The following ANKRD9 variants were observed in gnomAD, a reference collection of about 807,000 sequenced individuals.
ANKRD9 encodes ankyrin repeat domain-containing protein 9.
Under a neutral mutation model 19.2 loss-of-function variants are expected in ANKRD9, and 13 were observed. That is an observed-to-expected ratio of 0.68 (90% CI 0.44 to 1.08). The LOEUF is 1.08. Among genes scored for constraint, ANKRD9 ranks in the 50% least tolerant of loss-of-function variants. The probability of loss-of-function intolerance (pLI) is 0.00; values close to 1 mark genes in which losing one functional copy is unlikely to be tolerated. For missense variants in ANKRD9, 518 were observed against 499.9 expected (o/e 1.04, Z -0.34); for synonymous variants, 278 against 256.8 (o/e 1.08, Z -0.79).
Position 102,507,999 on chromosome 14 carries a change from A to T in ANKRD9, c.-53-57T>A. 9.7e-7 allele frequency: 1 copy of T among 1,026,130 alleles called. No individual in the cohort carries two copies. Among genetic ancestry groups the T allele is most frequent in the Non-Finnish European group, 1.2e-6 (1 of 841,730 alleles). 63.6% of individuals were successfully genotyped at this position (1,026,130 alleles called of 1,614,324 possible). A position where few individuals can be genotyped will look rare whatever the true frequency, so the allele number is the denominator to read the frequency against. On this transcript the variant is annotated intron_variant, in intron 3 of 3. Transcript: ENST00000286918. This position sits in a 1 kb window ranked among gnomAD's most constrained non-coding sequence, Gnocchi z 9.2. ...GCGGGGAAACTGGGGAGGCCCGGGGACTCCCCTCTGCCCCTCACACAGCCC... is the reference window on the plus strand; with the variant it reads ...GCGGGGAAACTGGGGAGGCCCGGGGTCTCCCCTCTGCCCCTCACACAGCCC...
At position 102,507,510 on chromosome 14, in the gene ANKRD9, C is replaced by T; in HGVS notation, c.380G>A (p.Gly127Asp). ...GGTGCGCAGGATGCGGCGCAGAATG[C>T]CCACGCGGTTGTAGCGCACTGCCAG... ...VALAVRYNRV[G>D]ILRRILRTLR... The change falls in exon 4 of 4, where the codon GGC (glycine) becomes GAC (aspartate). Residue 127 changes from glycine (G) to aspartate (D), a missense_variant. Coordinates refer to ENST00000286918, the MANE Select transcript of ANKRD9 (RefSeq NM_152326.4). The surrounding 1 kb of genome is among the most constrained non-coding windows in gnomAD (Gnocchi z 9.2). 1.5e-6 allele frequency: 2 copies of T among 1,365,826 alleles called. No homozygotes were observed. The highest frequency in any genetic ancestry group is 9.5e-7 in the Non-Finnish European group (1 of 1,057,942). 84.6% of individuals were successfully genotyped at this position (1,365,826 alleles called of 1,614,324 possible).
Position 102,507,231 on chromosome 14 carries a change from G to A in ANKRD9, c.659C>T (p.Ala220Val). The A allele has an allele frequency of 8.0e-7, 1 of 1,256,426 alleles. No individual in the cohort carries two copies. The highest frequency in any genetic ancestry group is 1.0e-6 in the Non-Finnish European group (1 of 1,001,626). 77.8% of individuals were successfully genotyped at this position (1,256,426 alleles called of 1,614,324 possible). ...GCGGCGCTGGCGCGGCTCCCCGGGA[G>A]CTGAGGCGGGGGCTCCGGCGGCGGA... ...TPSAAGAPASAPGEPRQRRLL... is the reference protein window; with the variant it reads ...TPSAAGAPASVPGEPRQRRLL... The change falls in exon 4 of 4, where the codon GCT becomes GTT. Residue 220 changes from alanine to valine, a missense_variant. Transcript: ENST00000286918. This position sits in a 1 kb window ranked among gnomAD's most constrained non-coding sequence, Gnocchi z 9.2.
chr14:102,507,148 G>T lies in ANKRD9; in HGVS notation c.742C>A (p.Arg248Ser). The T allele has an allele frequency of 1.4e-6, 2 of 1,432,654 alleles. No homozygotes were observed. The highest frequency in any genetic ancestry group is 1.5e-5 in the South Asian group (1 of 68,896). The allele number at this position is 1,432,654 out of a possible 1,614,324, so 88.7% of individuals were successfully genotyped here. Residue 248 changes from arginine to serine, a missense_variant, in exon 4 of 4, where the codon CGC becomes AGC. Transcript: ENST00000286918. This position sits in a 1 kb window ranked among gnomAD's most constrained non-coding sequence, Gnocchi z 9.2. The part of the protein sequence containing the change: ...YTPVGAAGSA[R>S]QELLGDRPRW... ...GGCCGGTCGCCCAGCAGCTCCTGGC[G>T]GGCCGAGCCGGCGGCACCCACGGGG...
At position 102,504,514 on chromosome 14, in the gene ANKRD9, A is replaced by AGGGCCCAGAAGACTGATAAGCT. The variant is rs1891531501; in HGVS notation, c.*2400_*2421dup. The AGGGCCCAGAAGACTGATAAGCT allele has an allele frequency of 2.0e-5, 3 of 153,106 alleles. No homozygotes were observed. In the Admixed American group the frequency reaches 2.0e-4, roughly 10 times the overall value. The allele number at this position is 153,106 out of a possible 1,614,324, so 9.5% of individuals were successfully genotyped here. A position where few individuals can be genotyped will look rare whatever the true frequency, so the allele number is the denominator to read the frequency against. ...TCCTCGCTGCCCTTCCTGGGGCAGG[A>AGGGCCCAGAAGACTGATAAGCT]GGGCCCAGAAGACTGATAAGCTAAA... is the stretch of plus-strand genomic sequence containing the variant. On this transcript the variant is annotated 3_prime_UTR_variant, in exon 4 of 4. Coordinates refer to ENST00000286918, the MANE Select transcript of ANKRD9 (RefSeq NM_152326.4).
At position 102,504,042 on chromosome 14, in the gene ANKRD9, AGCACGGACT is replaced by A. The variant is rs1266019317; in HGVS notation, c.*2885_*2893del. On this transcript the variant is annotated 3_prime_UTR_variant, in exon 4 of 4. Coordinates refer to ENST00000286918, the MANE Select transcript of ANKRD9 (RefSeq NM_152326.4). The stretch of plus-strand genomic sequence containing the variant: ...CCCACCTCACCCAGGCCAGCCAGAC[AGCACGGACT>A]GCCCTACAAGGTCACCTCAGAGAGA... The A allele has an allele frequency of 2.6e-5, 4 of 152,526 alleles. No homozygotes were observed. The East Asian group carries it at 7.7e-4, about 29-fold the overall frequency. The allele number at this position is 152,526 out of a possible 1,614,324, so 9.4% of individuals were successfully genotyped here. A position where few individuals can be genotyped will look rare whatever the true frequency, so the allele number is the denominator to read the frequency against.
rs756361308 is a variant in ANKRD9 at position 102,507,920 on chromosome 14, G to T, written c.-31C>A. ...CGGCGGGGCGTTCCTGGGCCTCAAG[G>T]CATGGATCCCGCGAAGGCACACCTG... On this transcript the variant is annotated 5_prime_UTR_variant, in exon 4 of 4. Transcript: ENST00000286918. This position sits in a 1 kb window ranked among gnomAD's most constrained non-coding sequence, Gnocchi z 9.2. 304 of 1,103,310 alleles carry T rather than the reference G, an allele frequency of 2.8e-4. No homozygotes were observed. Among genetic ancestry groups the T allele is most frequent in the Non-Finnish European group, 3.0e-4 (270 of 895,810 alleles). 68.3% of individuals were successfully genotyped at this position (1,103,310 alleles called of 1,614,324 possible).
In ANKRD9 at chr14:102,506,931, C is replaced by A. The variant is rs1237485164; in HGVS notation, c.*5G>T. On this transcript the variant is annotated 3_prime_UTR_variant, in exon 4 of 4. Coordinates refer to ENST00000286918, the MANE Select transcript of ANKRD9 (RefSeq NM_152326.4). The stretch of plus-strand genomic sequence containing the variant: ...CCAAAATCCAGCGCCTAGGGTGCTC[C>A]GGGCCTAGCCTTTGCCAGTGAGGTC... 1 of 1,492,252 alleles carries A rather than the reference C, an allele frequency of 6.7e-7. No homozygotes were observed. Among genetic ancestry groups the A allele is most frequent in the Non-Finnish European group, 8.9e-7 (1 of 1,119,718 alleles). The allele number at this position is 1,492,252 out of a possible 1,614,324, so 92.4% of individuals were successfully genotyped here. A position where few individuals can be genotyped will look rare whatever the true frequency, so the allele number is the denominator to read the frequency against.
At position 102,506,948 on chromosome 14, in the gene ANKRD9, A is replaced by T. The variant is rs766361107; in HGVS notation, c.942T>A (p.Thr314=). Residue 314 remains threonine (T), a synonymous_variant, in exon 4 of 4, where the codon ACT becomes ACA. Transcript: ENST00000286918. ...GGGTGCTCCGGGCCTAGCCTTTGCC[A>T]GTGAGGTCCAACGGCTGCAGGAATG... ...LPPFLQPLDL[T]GKG 1 of 1,525,748 alleles carries T rather than the reference A, an allele frequency of 6.6e-7. No individual in the cohort carries two copies. Among genetic ancestry groups the T allele is most frequent in the East Asian group, 2.5e-5 (1 of 39,852 alleles). 94.5% of individuals were successfully genotyped at this position (1,525,748 alleles called of 1,614,324 possible). A position where few individuals can be genotyped will look rare whatever the true frequency, so the allele number is the denominator to read the frequency against.
rs1435293336 is a variant in ANKRD9, at chr14:102,508,033, C to T, written c.-53-91G>A. The stretch of plus-strand genomic sequence containing the variant: ...TGCCCCTCACACAGCCCCTCCGGTC[C>T]TGGCCCACCAGGCCTGTACCTACCT... On this transcript the variant is annotated intron_variant, in intron 3 of 3. Transcript: ENST00000286918. The surrounding 1 kb of genome is among the most constrained non-coding windows in gnomAD (Gnocchi z 6.2). The T allele has an allele frequency of 2.1e-6, 2 of 932,538 alleles. No homozygotes were observed. Among genetic ancestry groups the T allele is most frequent in the Non-Finnish European group, 2.6e-6 (2 of 761,284 alleles). 57.8% of individuals were successfully genotyped at this position (932,538 alleles called of 1,614,324 possible).
rs1027676744 is a variant in ANKRD9 at position 102,506,344 on chromosome 14, C to T, written c.*592G>A. On this transcript the variant is annotated 3_prime_UTR_variant, in exon 4 of 4. Transcript: ENST00000286918. The stretch of plus-strand genomic sequence containing the variant: ...GCAAAAGGGGGAGACAGGGACAAAT[C>T]CAGGCCTGGGTGGGCTGCCTGTCAG... 1 of 152,326 alleles carries T rather than the reference C, an allele frequency of 6.6e-6. No individual in the cohort carries two copies. The highest frequency in any genetic ancestry group is 1.5e-5 in the Non-Finnish European group (1 of 68,112). 9.4% of individuals were successfully genotyped at this position (152,326 alleles called of 1,614,324 possible).
chr14:102,506,073 G>A lies in ANKRD9; in HGVS notation c.*863C>T, dbSNP rs1891581474. ...CCTGAAGAAAACAGCTCTCCAGGCTGGGGCAAGAAGCCTGTCCCTACAGTG... is the reference window on the plus strand; with the variant it reads ...CCTGAAGAAAACAGCTCTCCAGGCTAGGGCAAGAAGCCTGTCCCTACAGTG... On this transcript the variant is annotated 3_prime_UTR_variant, in exon 4 of 4. Coordinates refer to ENST00000286918, the MANE Select transcript of ANKRD9 (RefSeq NM_152326.4). 2.6e-5 allele frequency: 4 copies of A among 152,306 alleles called. No homozygotes were observed. In the South Asian group the frequency reaches 8.3e-4, roughly 32 times the overall value. 9.4% of individuals were successfully genotyped at this position (152,306 alleles called of 1,614,324 possible).
Position 102,505,778 on chromosome 14 carries a change from C to G in ANKRD9, c.*1158G>C, listed in dbSNP as rs536268766. Reference sequence around the variant, plus strand: ...ACTCCTCCATGCCCAGGTGTGCTCCCCCCAGGCACGCTGGGGGCAGGGTGG... The same window carrying G: ...ACTCCTCCATGCCCAGGTGTGCTCCGCCCAGGCACGCTGGGGGCAGGGTGG... On this transcript the variant is annotated 3_prime_UTR_variant, in exon 4 of 4. Coordinates refer to ENST00000286918, the MANE Select transcript of ANKRD9 (RefSeq NM_152326.4). 6.6e-6 allele frequency: 1 copy of G among 152,482 alleles called. No individual in the cohort carries two copies. Among genetic ancestry groups the G allele is most frequent in the East Asian group, 1.9e-4 (1 of 5,182 alleles). 9.4% of individuals were successfully genotyped at this position (152,482 alleles called of 1,614,324 possible). A position where few individuals can be genotyped will look rare whatever the true frequency, so the allele number is the denominator to read the frequency against.
Position 102,503,452 on chromosome 14 carries a change from T to A in ANKRD9, c.*3484A>T, listed in dbSNP as rs1340342679. On this transcript the variant is annotated 3_prime_UTR_variant, in exon 4 of 4. Coordinates refer to ENST00000286918, the MANE Select transcript of ANKRD9 (RefSeq NM_152326.4). ...GTGCCTGCCACCACGCCTGGCTAAT[T>A]TTTTTATTTTTAGTAGAGACGGGGT... is the stretch of plus-strand genomic sequence containing the variant. 2.0e-5 allele frequency: 3 copies of A among 151,636 alleles called. No individual in the cohort carries two copies. The highest frequency in any genetic ancestry group is 2.9e-5 in the Non-Finnish European group (2 of 67,960). The allele number at this position is 151,636 out of a possible 1,614,324, so 9.4% of individuals were successfully genotyped here.
rs1039268532 is a variant in ANKRD9, at chr14:102,507,351, C to T, written c.539G>A (p.Gly180Asp). ...ARPECLFLLL[G>D]HGASPGLRDG... The stretch of plus-strand genomic sequence containing the variant: ...CCGCAGACCGGGCGAGGCGCCGTGG[C>T]CCAGCAGCAGGAAGAGGCACTCGGG... Residue 180 changes from glycine (G) to aspartate (D), a missense_variant, in exon 4 of 4, where the codon GGC becomes GAC. Coordinates refer to ENST00000286918, the MANE Select transcript of ANKRD9 (RefSeq NM_152326.4). The surrounding 1 kb of genome is among the most constrained non-coding windows in gnomAD (Gnocchi z 9.2). 2.3e-6 allele frequency: 3 copies of T among 1,327,466 alleles called. No individual in the cohort carries two copies. Among genetic ancestry groups the T allele is most frequent in the African/African-American group, 3.2e-5 (2 of 62,694 alleles). The allele number at this position is 1,327,466 out of a possible 1,614,324, so 82.2% of individuals were successfully genotyped here.
Position 102,507,082 on chromosome 14 carries a change from G to A in ANKRD9, c.808C>T (p.Leu270=). 4 of 1,551,956 alleles carry A rather than the reference G, an allele frequency of 2.6e-6. No individual in the cohort carries two copies. The highest frequency in any genetic ancestry group is 3.5e-6 in the Non-Finnish European group (4 of 1,158,458). The change falls in exon 4 of 4, where the codon CTG becomes TTG. Residue 270 remains leucine, a synonymous_variant. Coordinates refer to ENST00000286918, the MANE Select transcript of ANKRD9 (RefSeq NM_152326.4). The surrounding 1 kb of genome is among the most constrained non-coding windows in gnomAD (Gnocchi z 9.2). ...RLLGEDKFQW[L]AGLAPPSLFA... ...AGCGAGGGCGGCGCCAGGCCCGCCA[G>A]CCACTGGAACTTGTCCTCACCCAGC...
In ANKRD9 at chr14:102,507,707, C is replaced by T; in HGVS notation, c.183G>A (p.Trp61Ter). 6.5e-7 allele frequency: 1 copy of T among 1,544,258 alleles called. No homozygotes were observed. Among genetic ancestry groups the T allele is most frequent in the Non-Finnish European group, 8.7e-7 (1 of 1,151,206 alleles). Residue 61 changes from tryptophan (W) to a stop codon, truncating the protein, a stop_gained, in exon 4 of 4, where the codon TGG (tryptophan) becomes TGA (stop). Transcript: ENST00000286918. LOFTEE classifies it high-confidence loss of function. The surrounding 1 kb of genome is among the most constrained non-coding windows in gnomAD (Gnocchi z 9.2). ...EDMRASEAFH[W>*]DERGRAAAYS... is the part of the protein sequence containing the mutation. ...AGGCGGCGGCGCGCCCGCGCTCGTC[C>T]CAGTGGAAGGCCTCGCTGGCGCGCA...
rs1392430251 is a variant in ANKRD9, at chr14:102,502,619, TA to T, written c.*4316del. On this transcript the variant is annotated 3_prime_UTR_variant, in exon 4 of 4. Coordinates refer to ENST00000286918, the MANE Select transcript of ANKRD9 (RefSeq NM_152326.4). ...TACTACATTAAGGTTAAAAAAATAC[TA>T]AATTGTGTAACTGATCTGGTTTCAT... is the stretch of plus-strand genomic sequence containing the variant. 6.6e-6 allele frequency: 1 copy of T among 152,246 alleles called. No homozygotes were observed. Among genetic ancestry groups the T allele is most frequent in the Non-Finnish European group, 1.5e-5 (1 of 68,030 alleles). The allele number at this position is 152,246 out of a possible 1,614,324, so 9.4% of individuals were successfully genotyped here.
rs1891625555 is a variant in ANKRD9, at chr14:102,507,225, C to A, written c.665G>T (p.Gly222Val). 7 of 1,264,378 alleles carry A rather than the reference C, an allele frequency of 5.5e-6. No homozygotes were observed. Among genetic ancestry groups the A allele is most frequent in the Non-Finnish European group, 7.0e-6 (7 of 1,006,256 alleles). The allele number at this position is 1,264,378 out of a possible 1,614,324, so 78.3% of individuals were successfully genotyped here. ...CAGCAGGCGGCGCTGGCGCGGCTCC[C>A]CGGGAGCTGAGGCGGGGGCTCCGGC... Reference protein sequence around the residue: ...SAAGAPASAPGEPRQRRLLLL... With the variant: ...SAAGAPASAPVEPRQRRLLLL... Residue 222 changes from glycine to valine, a missense_variant, in exon 4 of 4, where the codon GGG becomes GTG. Gly to Val is a moderately radical substitution (Grantham distance 109, BLOSUM62 -3). Transcript: ENST00000286918. This position sits in a 1 kb window ranked among gnomAD's most constrained non-coding sequence, Gnocchi z 9.2.
In ANKRD9 at chr14:102,502,087, T is replaced by C. The variant is rs1891451496; in HGVS notation, c.*4849A>G. On this transcript the variant is annotated 3_prime_UTR_variant, in exon 4 of 4. Coordinates refer to ENST00000286918, the MANE Select transcript of ANKRD9 (RefSeq NM_152326.4). ...GAACAGCCATGTTAACGTGAGCAAA[T>C]TCCTCTCATGAAATAGCCTGCAGCT... 1 of 152,240 alleles carries C rather than the reference T, an allele frequency of 6.6e-6. No homozygotes were observed. The highest frequency in any genetic ancestry group is 6.5e-5 in the Admixed American group (1 of 15,282). The allele number at this position is 152,240 out of a possible 1,614,324, so 9.4% of individuals were successfully genotyped here. A position where few individuals can be genotyped will look rare whatever the true frequency, so the allele number is the denominator to read the frequency against.
Sources: allele counts gnomAD v4.1 joint callset, GRCh38; gene constraint gnomAD v4.1.1; non-coding constraint Gnocchi (gnomAD v3.1); transcripts MANE v1.5; gene names NCBI Gene and HGNC (gene_info 2026-07-23, HGNC 2026-07-21).